The following PDE7B variants were observed in gnomAD, a reference collection of about 807,000 sequenced individuals.
PDE7B encodes phosphodiesterase 7B.
In PDE7B, 29 loss-of-function variants were observed where a neutral mutation model predicts 56.2. The observed-to-expected ratio is 0.52, with a 90% CI of 0.38 to 0.70. The LOEUF (loss-of-function observed/expected upper bound fraction) is 0.70, where lower values mean the gene tolerates loss of function less well. Among genes scored for constraint, PDE7B ranks in the 30% least tolerant of loss-of-function variants. The pLI is 0.00. For synonymous variants in PDE7B, 197 were observed against 196.9 expected, an observed-to-expected ratio of 1.00 and a Z score of 0.00; for missense variants, 490 against 565.0, an observed-to-expected ratio of 0.87 and a Z score of 1.35.
At chr6:136,168,704 C>G (rs1778834982) in intron 8 of PDE7B, among the ~76,000 whole-genome samples, 1 of 152,104 alleles carries the variant, frequency 6.6e-6, no homozygotes, top group South Asian at 2.1e-4. Flanking sequence ...GATTCAGACA[C>G]TGATTGCAGA....
intron 1 of PDE7B, among the ~76,000 whole-genome samples, chr6:135,921,523 T>C (rs781164026): frequency 2.3e-4 from 35 of 152,166 alleles, no homozygotes; most frequent in African/African-American, 8.4e-4. Context: ...TGTTCCCCTA[T>C]ATTAAAATTT....
chr6:136,023,531 G>C (rs1053583312), intron 2 of PDE7B, among the ~76,000 whole-genome samples: 1 of 152,198 alleles, frequency 6.6e-6, no homozygotes, highest in African/African-American at 2.4e-5. Context: ...CTGAGGAGCA[G>C]ATAATTCAGA....
At chr6:136,143,017 C>T (rs558264017) in intron 3 of PDE7B, among the ~76,000 whole-genome samples, 71 of 152,120 alleles carry the variant, frequency 4.7e-4, no homozygotes, top group South Asian at 2.1e-3. Context: ...TTATTTTGCC[C>T]GTTAGTTGAT....
intron 2 of PDE7B, among the ~76,000 whole-genome samples, chr6:136,045,601 T>C (rs1206864567): frequency 1.3e-5 from 2 of 152,120 alleles, no homozygotes; most frequent in Admixed American, 1.3e-4. Flanking sequence ...TTGTATGCAG[T>C]TGGAAGGCAT....
chr6:136,144,600 T>G (rs1199593703), intron 3 of PDE7B, among the ~76,000 whole-genome samples: 3 of 152,170 alleles, frequency 2.0e-5, no homozygotes, highest in Non-Finnish European at 4.4e-5. Flanking sequence ...AATAATGTCA[T>G]TTATGACATT....
At chr6:136,191,052 C>G (rs906046070) in intron 12 of PDE7B, among the ~76,000 whole-genome samples, 3 of 102,204 alleles carry the variant, frequency 2.9e-5, no homozygotes, top group African/African-American at 2.3e-4. Flanking sequence ...ATATGTCTTT[C>G]TCCCTCTGCA....
At chr6:135,989,732 T>G (rs1257325416) in intron 2 of PDE7B, among the ~76,000 whole-genome samples, 1 of 152,218 alleles carries the variant, frequency 6.6e-6, no homozygotes, top group Non-Finnish European at 1.5e-5. Context: ...AAATTCATTC[T>G]AGAGAATTGG....
chr6:135,989,486 T>C (rs1234520189), intron 2 of PDE7B, among the ~76,000 whole-genome samples: 1 of 152,002 alleles, frequency 6.6e-6, no homozygotes, highest in East Asian at 1.9e-4. Context: ...TGGTGGTGCA[T>C]GCCTGTAATC....
At chr6:136,127,690 G>A (rs1291050406) in intron 3 of PDE7B, among the ~76,000 whole-genome samples, 4 of 152,122 alleles carry the variant, frequency 2.6e-5, no homozygotes, top group Admixed American at 2.0e-4. Context: ...GATATAATTA[G>A]AAATCTGGTT....
chr6:136,122,270 C>T (rs1777949881), intron 3 of PDE7B, among the ~76,000 whole-genome samples: 1 of 152,226 alleles, frequency 6.6e-6, no homozygotes, highest in African/African-American at 2.4e-5. Context: ...GCTGGGATTA[C>T]AGGCGTGAGC....
intron 2 of PDE7B, among the ~76,000 whole-genome samples, chr6:136,053,635 C>T (rs1476365236): frequency 3.3e-5 from 5 of 152,332 alleles, no homozygotes; most frequent in Middle Eastern, 3.4e-3. Flanking sequence ...AATCACCACA[C>T]TGACTTCCAC....
At chr6:135,945,776 T>A (rs1425897881) in intron 1 of PDE7B, among the ~76,000 whole-genome samples, 2 of 152,186 alleles carry the variant, frequency 1.3e-5, no homozygotes, top group South Asian at 2.1e-4. Context: ...AAAGGAAATA[T>A]GTAGTGAGAA....
At chr6:136,182,817 T>A (rs574002543) in intron 11 of PDE7B, among the ~76,000 whole-genome samples, 1 of 152,202 alleles carries the variant, frequency 6.6e-6, no homozygotes, top group South Asian at 2.1e-4. Context: ...CTCATGCCTG[T>A]AATCCCAGCA....
chr6:136,120,260 A>G (rs1304664327), intron 3 of PDE7B, among the ~76,000 whole-genome samples: 1 of 152,192 alleles, frequency 6.6e-6, no homozygotes, highest in Non-Finnish European at 1.5e-5. Context: ...TTTTTCTGAC[A>G]GGTATTTACT....
intron 1 of PDE7B, among the ~76,000 whole-genome samples, chr6:135,878,500 A>G (rs921251415): frequency 1.3e-5 from 2 of 152,194 alleles, no homozygotes; most frequent in Non-Finnish European, 2.9e-5. Context: ...ATTTCTCCAA[A>G]TTAATATAGA....
intron 11 of PDE7B, among the ~76,000 whole-genome samples, chr6:136,184,681 C>G (rs1381930799): frequency 6.6e-6 from 1 of 152,216 alleles, no homozygotes; most frequent in East Asian, 1.9e-4. Flanking sequence ...CCCTGGGCAC[C>G]AGGCTACAGT....
rs79885573 is a variant in PDE7B, at chr6:136,147,792, A to G, written c.318+290A>G. Among the ~76,000 whole-genome samples the G allele has an allele frequency of 4.5e-3, 682 of 152,324 alleles. 1 individual carries two copies. Among genetic ancestry groups the G allele is most frequent in the Non-Finnish European group, 8.0e-3 (543 of 68,028 alleles). Reference sequence around the variant, plus strand: ...GTACAAAACATATTTGCACGATACTAAGTAAAGCAAAATTTTGGACTGGCA... The same window carrying G: ...GTACAAAACATATTTGCACGATACTGAGTAAAGCAAAATTTTGGACTGGCA... On this transcript the variant is annotated intron_variant, in intron 4 of 12. Coordinates refer to ENST00000308191, the MANE Select transcript of PDE7B (RefSeq NM_018945.4).
intron 2 of PDE7B, among the ~76,000 whole-genome samples, chr6:135,953,860 C>T (rs1349227761): frequency 1.3e-5 from 2 of 152,072 alleles, no homozygotes; most frequent in East Asian, 3.9e-4. Context: ...TCAAGTTGCT[C>T]GATTTTGATT....
At chr6:136,114,568 C>A (rs1777800962) in intron 3 of PDE7B, among the ~76,000 whole-genome samples, 1 of 152,290 alleles carries the variant, frequency 6.6e-6, no homozygotes, top group Non-Finnish European at 1.5e-5. Flanking sequence ...TCTTGGCAGA[C>A]AGTTACAGCC....
Sources: allele counts gnomAD v4.1 joint callset (sites outside exome capture counted in the v4.1 genomes callset), GRCh38; gene constraint gnomAD v4.1.1; transcripts MANE v1.5; gene names NCBI Gene and HGNC (gene_info 2026-07-23, HGNC 2026-07-21).